Variants in TNKS observed in about 807,000 individuals in gnomAD.
TNKS encodes tankyrase.
Under a neutral mutation model 135.8 loss-of-function variants are expected in TNKS, and 72 were observed. The ratio of observed to expected loss-of-function variants is 0.53; its 90% CI spans 0.44 to 0.64. The LOEUF (loss-of-function observed/expected upper bound fraction) is 0.64. Ranked by LOEUF, TNKS falls within the 30% of genes least tolerant of loss-of-function variation. The pLI is 0.00. For missense variants in TNKS, 1,769 were observed against 1,674.0 expected, an observed-to-expected ratio of 1.06 and a Z score of -0.99; for synonymous variants, 849 against 649.3, an observed-to-expected ratio of 1.31 and a Z score of -4.68.
rs1385434048 is a variant in TNKS, at chr8:9,556,171, C to A, written c.232C>A (p.Pro78Thr). 6.2e-7 allele frequency: 1 copy of A among 1,611,814 alleles called. No individual in the cohort carries two copies. Among genetic ancestry groups the A allele is most frequent in the Non-Finnish European group, 8.5e-7 (1 of 1,178,840 alleles). ...TGGCAGTCGGGATCCGCCCGACAGG[C>A]CCCGATCCCCGGACCCGGTTGACGG... is the stretch of plus-strand genomic sequence containing the variant. ...GDGSRDPPDR[P>T]RSPDPVDGTS... The change falls in exon 1 of 27, where the codon CCC becomes ACC. Residue 78 changes from proline (P) to threonine (T), a missense_variant. Pro to Thr is a conservative substitution (Grantham distance 38). Around this residue, in one of 5 missense-constraint regions of TNKS, gnomAD observed 450 missense variants for 304.9 expected, o/e 1.48. Transcript: ENST00000310430.
chr8:9,674,706 T>C (rs1180148449), intron 3 of TNKS, among the ~76,000 whole-genome samples: 3 of 152,246 alleles, frequency 2.0e-5, no homozygotes, highest in African/African-American at 4.8e-5. Context: ...TATTGGACAA[T>C]GTAGAGATTA....
intron 26 of TNKS, among the ~76,000 whole-genome samples, chr8:9,771,671 AAGGG>A (rs1179598018): frequency 2.6e-4 from 27 of 104,204 alleles, no homozygotes; most frequent in African/African-American, 4.8e-4. Context: ...GAGAGGCAGG[AAGGG>A]AGGGAGAGAG....
At chr8:9,697,348 C>A (rs1803565633) in intron 5 of TNKS, among the ~76,000 whole-genome samples, 1 of 152,054 alleles carries the variant, frequency 6.6e-6, no homozygotes, top group African/African-American at 2.4e-5. Flanking sequence ...TATAAAAATT[C>A]TAGAGAAAAA....
chr8:9,703,842 T>C (rs1466648548), intron 5 of TNKS, among the ~76,000 whole-genome samples: 1 of 152,162 alleles, frequency 6.6e-6, no homozygotes, highest in Non-Finnish European at 1.5e-5. Flanking sequence ...GGTGGAAAAT[T>C]GCTATGGTTG....
In TNKS at chr8:9,556,314, TAAC is replaced by T. The variant is rs1815297146; in HGVS notation, c.378_380del (p.Asn127del). The T allele has an allele frequency of 3.7e-6, 6 of 1,614,138 alleles. No individual in the cohort carries two copies. The Admixed American group carries it at 6.7e-5, about 18-fold the overall frequency. ...CTCCCAACCCAGCCGGCAGTGGCAG[TAAC>T]AATTCACCGTCGTCCTCTTCTTCCC... On this transcript the variant is annotated inframe_deletion, in exon 1 of 27. Transcript: ENST00000310430.
chr8:9,692,195 G>A (rs1347097606), intron 5 of TNKS, among the ~76,000 whole-genome samples: 1 of 152,152 alleles, frequency 6.6e-6, no homozygotes, highest in Non-Finnish European at 1.5e-5. Context: ...TAGCCATCCG[G>A]CCAACTCCCC....
intron 3 of TNKS, chr8:9,671,231 A>G (rs1366196643): frequency 6.6e-6 from 1 of 152,198 alleles, no homozygotes; most frequent in African/African-American, 2.4e-5. Context: ...GATATAACCC[A>G]GCAACCCCAC....
chr8:9,556,487 T>C lies in TNKS; in HGVS notation c.548T>C (p.Leu183Pro). 1.9e-6 allele frequency: 3 copies of C among 1,614,134 alleles called. No homozygotes were observed. The highest frequency in any genetic ancestry group is 2.5e-6 in the Non-Finnish European group (3 of 1,180,034). The change falls in exon 1 of 27, where the codon CTA becomes CCA. Residue 183 changes from leucine (L) to proline (P), a missense_variant. By Grantham distance (98) the Leu-to-Pro change is moderately conservative (BLOSUM62 -3). Around this residue, in one of 5 missense-constraint regions of TNKS, gnomAD observed 450 missense variants for 304.9 expected, o/e 1.48. Coordinates refer to ENST00000310430, the MANE Select transcript of TNKS (RefSeq NM_003747.3). ...GTGVPAVSGA[L>P]RELLEACRNG... Reference sequence around the variant, plus strand: ...GGGGTCCCAGCAGTGAGCGGGGCCCTACGGGAACTGCTGGAGGCCTGTCGC... The same window carrying C: ...GGGGTCCCAGCAGTGAGCGGGGCCCCACGGGAACTGCTGGAGGCCTGTCGC...
At chr8:9,700,728 T>C (rs999993211) in intron 5 of TNKS, among the ~76,000 whole-genome samples, 1 of 152,130 alleles carries the variant, frequency 6.6e-6, no homozygotes. Flanking sequence ...CCTAATAGTT[T>C]TTGAAAACTC....
intron 2 of TNKS, among the ~76,000 whole-genome samples, chr8:9,604,540 CA>C (rs1563110572): frequency 6.6e-6 from 1 of 151,968 alleles, no homozygotes; most frequent in Non-Finnish European, 1.5e-5. Flanking sequence ...TTTCTTTCTT[CA>C]GTGTAGTTTA....
At chr8:9,747,041 C>A (rs994935854) in intron 17 of TNKS, among the ~76,000 whole-genome samples, 3 of 151,806 alleles carry the variant, frequency 2.0e-5, no homozygotes, top group Non-Finnish European at 4.4e-5. Flanking sequence ...CACCACCATG[C>A]CCAGCTAATT....
chr8:9,611,518 A>G (rs4579533), intron 2 of TNKS, among the ~76,000 whole-genome samples: 43,839 of 152,062 alleles, frequency 0.29, 6,624 homozygotes, highest in East Asian at 0.39. Context: ...TTTACAAGAT[A>G]AATTTCTAAT....
chr8:9,673,315 G>A (rs1207806286), intron 3 of TNKS, among the ~76,000 whole-genome samples: 1 of 151,606 alleles, frequency 6.6e-6, no homozygotes, highest in African/African-American at 2.4e-5. Context: ...AGGTTTTTGT[G>A]TTGACATTTA....
At chr8:9,608,746 T>G (rs1011334282) in intron 2 of TNKS, among the ~76,000 whole-genome samples, 1 of 152,152 alleles carries the variant, frequency 6.6e-6, no homozygotes, top group African/African-American at 2.4e-5. Context: ...CTCAGTTCAG[T>G]GTAACCACCA....
chr8:9,626,868 T>A (rs1800076029), intron 3 of TNKS, among the ~76,000 whole-genome samples: 1 of 152,222 alleles, frequency 6.6e-6, no homozygotes, highest in Non-Finnish European at 1.5e-5. Context: ...TCAACCAGTT[T>A]CCTGGCATAC....
At chr8:9,598,604 G>C (rs901241996) in intron 2 of TNKS, among the ~76,000 whole-genome samples, 1 of 151,044 alleles carries the variant, frequency 6.6e-6, no homozygotes, top group Admixed American at 6.6e-5. Flanking sequence ...GCTGAGGTGG[G>C]AGGATCAACT....
At chr8:9,678,320 C>G (rs1802634665) in intron 3 of TNKS, among the ~76,000 whole-genome samples, 1 of 152,072 alleles carries the variant, frequency 6.6e-6, no homozygotes, top group Non-Finnish European at 1.5e-5. Context: ...ATATTGCTAC[C>G]TAAAATGTTT....
chr8:9,596,324 A>C (rs1407320281), intron 2 of TNKS, among the ~76,000 whole-genome samples: 1 of 152,128 alleles, frequency 6.6e-6, no homozygotes, highest in Non-Finnish European at 1.5e-5. Flanking sequence ...TTTAATACTG[A>C]AATGTGGAGG....
chr8:9,606,972 C>T (rs527242452), intron 2 of TNKS, among the ~76,000 whole-genome samples: 6 of 152,016 alleles, frequency 3.9e-5, no homozygotes, highest in East Asian at 1.9e-4. Flanking sequence ...TGTTTTGCCT[C>T]GGTTTTGGGC....
Sources: allele counts gnomAD v4.1 joint callset (sites outside exome capture counted in the v4.1 genomes callset), GRCh38; gene constraint gnomAD v4.1.1; regional missense constraint gnomAD v4.1.1; transcripts MANE v1.5; gene names NCBI Gene and HGNC (gene_info 2026-07-23, HGNC 2026-07-21).